The following CCDC3 variants were observed in gnomAD, a reference collection of about 807,000 sequenced individuals.
CCDC3 encodes the protein coiled-coil domain containing 3, also known as coiled-coil domain-containing protein 3.
CCDC3 carries 24 observed loss-of-function variants against 21.4 expected under a neutral mutation model. That is an observed-to-expected ratio of 1.12 (90% confidence interval 0.81 to 1.58). CCDC3 has a LOEUF of 1.58. CCDC3 is among the 40% of genes most tolerant of loss of function. The probability of loss-of-function intolerance (pLI) is 0.00; values close to 1 mark genes in which losing one functional copy is unlikely to be tolerated. For missense variants in CCDC3, 425 were observed against 360.9 expected (o/e 1.18, Z -1.44); for synonymous variants, 186 against 166.0 (o/e 1.12, Z -0.93).
At chr10:12,958,234 A>G (rs1447031424) in intron 2 of CCDC3, among the ~76,000 whole-genome samples, 6 of 151,780 alleles carry the variant, frequency 4.0e-5, no homozygotes, top group Non-Finnish European at 7.3e-5. Context: ...AAAACCCAAC[A>G]ACCCAAGACC....
upstream of CCDC3, among the ~76,000 whole-genome samples, chr10:13,002,743 C>G (rs1007969514): frequency 3.3e-5 from 5 of 152,192 alleles, no homozygotes; most frequent in Non-Finnish European, 7.3e-5. Flanking sequence ...TAATAAAATA[C>G]TCTAGTCTGG....
rs569646783 is a variant in CCDC3 at position 12,972,765 on chromosome 10, C to T, written c.549+25573G>A. On this transcript the variant is annotated intron_variant, in intron 2 of 2. Coordinates refer to ENST00000378825, the MANE Select transcript of CCDC3 (RefSeq NM_031455.4). ...CCGGGAGGCAGAGGTTGCAGTGAGC[C>T]GAGATCACACCACCGCACTCCAGCC... is the stretch of plus-strand genomic sequence containing the variant. Among the ~76,000 whole-genome samples the T allele has an allele frequency of 2.6e-5, 4 of 151,668 alleles. No individual in the cohort carries two copies. In the East Asian group the frequency reaches 5.9e-4, roughly 22 times the overall value.
chr10:13,011,726 A>C (rs1438201373), intron 5 of CCDC3, among the ~76,000 whole-genome samples: 1 of 152,180 alleles, frequency 6.6e-6, no homozygotes. Flanking sequence ...GAACCAAAAA[A>C]GGGCCCAAAT....
intron 5 of CCDC3, among the ~76,000 whole-genome samples, chr10:13,008,067 G>A (rs1835945073): frequency 6.6e-6 from 1 of 152,152 alleles, no homozygotes; most frequent in Admixed American, 6.5e-5. Flanking sequence ...TGGAAAAGAA[G>A]AGCCTGTCAT....
intron 2 of CCDC3, among the ~76,000 whole-genome samples, chr10:12,901,935 G>C (rs1285523407): frequency 6.6e-6 from 1 of 152,054 alleles, no homozygotes; most frequent in African/African-American, 2.4e-5. Flanking sequence ...CCCCATCTCC[G>C]CCTGGCCATC....
At chr10:13,035,775 A>C (rs966844942) in intron 5 of CCDC3, among the ~76,000 whole-genome samples, 1 of 152,240 alleles carries the variant, frequency 6.6e-6, no homozygotes, top group African/African-American at 2.4e-5. Context: ...ATAGACTTGA[A>C]TAGACAAAGC....
rs541497169 is a variant in CCDC3 at position 13,032,525 on chromosome 10, C to T, written c.-2+17149G>A. Reference sequence around the variant, plus strand: ...GCAGGAGAAAGAAATAAAGGGTATTCAATTAGGAAAAGAGGAAGTCAAATT... The same window carrying T: ...GCAGGAGAAAGAAATAAAGGGTATTTAATTAGGAAAAGAGGAAGTCAAATT... On this transcript the variant is annotated intron_variant, in intron 5 of 6. Transcript: ENST00000378839. Among the ~76,000 whole-genome samples, 57 of 151,944 alleles carry T rather than the reference C, an allele frequency of 3.8e-4. No individual in the cohort carries two copies. In the South Asian group the frequency reaches 0.01, roughly 28 times the overall value.
chr10:13,001,162 A>G (rs1835843909), intron 1 of CCDC3, 35 bp downstream of exon 1: 3 of 1,539,212 alleles, frequency 1.9e-6, no homozygotes, highest in East Asian at 5.0e-5. Context: ...TGGCGCAGAG[A>G]GAGAGAGAGG....
chr10:13,050,565 A>G (rs905764516), intron 4 of CCDC3, among the ~76,000 whole-genome samples: 2 of 149,862 alleles, frequency 1.3e-5, no homozygotes, highest in African/African-American at 2.5e-5. Flanking sequence ...GGTTCAAGCA[A>G]TCCTCCTGCC....
chr10:12,940,229 GTTTTTTTTTTT>G (rs34664068), intron 2 of CCDC3, among the ~76,000 whole-genome samples: 2,290 of 105,282 alleles, frequency 0.022, 49 homozygotes, highest in Admixed American at 0.058. Flanking sequence ...CATTGAAATT[GTTTTTTTTTTT>G]TTTTTTTTTC....
At chr10:13,015,905 A>G (rs1234187225) in intron 5 of CCDC3, among the ~76,000 whole-genome samples, 1 of 152,036 alleles carries the variant, frequency 6.6e-6, no homozygotes, top group Non-Finnish European at 1.5e-5. Context: ...TGACTGTAGT[A>G]AAAAAATAAT....
chr10:13,086,208 A>T (rs1435400306), intron 3 of CCDC3, among the ~76,000 whole-genome samples: 3 of 151,996 alleles, frequency 2.0e-5, no homozygotes, highest in Middle Eastern at 3.2e-3. Context: ...CCCTTTGGGG[A>T]TTTATAATCA....
intron 2 of CCDC3, among the ~76,000 whole-genome samples, chr10:12,958,495 G>A (rs13377047): frequency 0.51 from 77,312 of 151,978 alleles, 22,369 homozygotes; most frequent in Non-Finnish European, 0.65. Context: ...AAAGCCAAAC[G>A]CATCCTCCCT....
At chr10:12,966,331 A>G (rs1224661524) in intron 2 of CCDC3, among the ~76,000 whole-genome samples, 1 of 151,850 alleles carries the variant, frequency 6.6e-6, no homozygotes, top group African/African-American at 2.4e-5. Flanking sequence ...AATTCAGCAC[A>G]GCCTATTTAC....
chr10:13,001,402 C>G lies in CCDC3; in HGVS notation c.169G>C (p.Gly57Arg). The change falls in exon 1 of 3, where the codon GGC becomes CGC. Residue 57 changes from glycine (G) to arginine (R), a missense_variant. Physicochemically the swap from Gly to Arg is moderately radical, Grantham distance 125. Transcript: ENST00000378825. Reference sequence around the variant, plus strand: ...TGCCAGGGCAGGTGGTTGTAGAGGCCGGGCGCCTCGGGGTGCAGCGCCAGC... The same window carrying G: ...TGCCAGGGCAGGTGGTTGTAGAGGCGGGGCGCCTCGGGGTGCAGCGCCAGC... ...RVLALHPEAP[G>R]LYNHLPWQYH... 6.4e-7 allele frequency: 1 copy of G among 1,565,638 alleles called. No homozygotes were observed. The highest frequency in any genetic ancestry group is 8.7e-7 in the Non-Finnish European group (1 of 1,156,008).
chr10:13,046,362 C>T (rs968306775), intron 5 of CCDC3, among the ~76,000 whole-genome samples: 2 of 150,586 alleles, frequency 1.3e-5, no homozygotes, highest in African/African-American at 4.9e-5. Context: ...GCCGTGATCG[C>T]GTCACTTCAT....
intron 5 of CCDC3, among the ~76,000 whole-genome samples, chr10:13,042,161 T>G (rs754931509): frequency 2.0e-5 from 3 of 152,228 alleles, no homozygotes; most frequent in Non-Finnish European, 4.4e-5. Flanking sequence ...TGTGATCCCG[T>G]GCAAATCACT....
At chr10:12,999,472 C>T (rs1193635688) in intron 1 of CCDC3, among the ~76,000 whole-genome samples, 2 of 152,156 alleles carry the variant, frequency 1.3e-5, no homozygotes, top group African/African-American at 2.4e-5. Flanking sequence ...GTAGGGCTCA[C>T]CAGCAAGTCT....
intron 5 of CCDC3, among the ~76,000 whole-genome samples, chr10:13,045,462 T>C (rs1347854486): frequency 1.3e-5 from 2 of 151,984 alleles, no homozygotes; most frequent in Non-Finnish European, 2.9e-5. Context: ...ACCCTGTCTC[T>C]ACTAAAAATA....
Sources: gnomAD v4.1 joint callset for allele counts (sites outside exome capture counted in the v4.1 genomes callset) on GRCh38, gnomAD v4.1.1 for gene constraint, MANE v1.5 for transcripts, NCBI Gene and HGNC (gene_info 2026-07-23, HGNC 2026-07-21) for gene names.